SLC35D1: variants seen among roughly 807,000 people sequenced by gnomAD.
SLC35D1 encodes nucleotide sugar transporter SLC35D1.
A neutral mutation model predicts 46.7 loss-of-function variants in SLC35D1; 31 were observed. The observed-to-expected ratio is 0.66, with a 90% CI of 0.50 to 0.90. The LOEUF (loss-of-function observed/expected upper bound fraction) is 0.90. Among genes scored for constraint, SLC35D1 ranks in the 40% least tolerant of loss-of-function variants. SLC35D1 has a pLI of 0.00. For synonymous variants in SLC35D1, 195 were observed against 164.6 expected, an observed-to-expected ratio of 1.18 and a Z score of -1.41; for missense variants, 397 against 426.2, an observed-to-expected ratio of 0.93 and a Z score of 0.60.
At chr1:66,997,076 A>G (rs1667245867), downstream of SLC35D1, among the ~76,000 whole-genome samples, 1 of 152,204 alleles carries the variant, frequency 6.6e-6, no homozygotes, top group African/African-American at 2.4e-5. Context: ...TATGCCACCA[A>G]AAGCACAGGC....
the SLC35D1 span, among the ~76,000 whole-genome samples, chr1:66,977,309 T>C: frequency 6.6e-6 from 1 of 151,964 alleles, no homozygotes; most frequent in Non-Finnish European, 1.5e-5. Context: ...GGGGTTTCAC[T>C]GTGTTGACCA....
chr1:67,021,666 A>T, intron 8 of SLC35D1, 64 bp from the exon 9 acceptor site: 5 of 1,489,618 alleles, frequency 3.4e-6, no homozygotes, highest in East Asian at 2.6e-5. Context: ...TCCCGTTTTA[A>T]TGTAAATCCT....
chr1:67,053,733 G>C (rs1459966395), intron 1 of SLC35D1, 78 bp downstream of exon 1: 4 of 1,321,058 alleles, frequency 3.0e-6, no homozygotes, highest in Non-Finnish European at 3.9e-6. Flanking sequence ...GGCAGTCAAA[G>C]TCCAGGGAGC....
At chr1:66,998,098 C>T (rs1468741489), downstream of SLC35D1, among the ~76,000 whole-genome samples, 2 of 135,888 alleles carry the variant, frequency 1.5e-5, no homozygotes, top group African/African-American at 3.2e-5. Context: ...CTAAAATGGG[C>T]CAGCCATAAT....
chr1:67,033,832 T>G (rs1328751276), intron 8 of SLC35D1, among the ~76,000 whole-genome samples: 1 of 152,192 alleles, frequency 6.6e-6, no homozygotes, highest in African/African-American at 2.4e-5. Context: ...TTTAGATAAG[T>G]CTTTAATCCA....
At chr1:67,004,629 A>T (rs1484186864) in intron 11 of SLC35D1, among the ~76,000 whole-genome samples, 181 bp from the exon 12 acceptor site, 1 of 152,200 alleles carries the variant, frequency 6.6e-6, no homozygotes, top group East Asian at 1.9e-4. Flanking sequence ...ACAGGCATTG[A>T]CACATTAAAT....
chr1:67,014,872 C>T (rs1041105740), intron 10 of SLC35D1, among the ~76,000 whole-genome samples: 1 of 151,002 alleles, frequency 6.6e-6, no homozygotes, highest in African/African-American at 2.4e-5. Flanking sequence ...AACACCCAGG[C>T]CCTGTCCTCC....
At chr1:66,993,853 G>A in the SLC35D1 span, among the ~76,000 whole-genome samples, 1 of 152,156 alleles carries the variant, frequency 6.6e-6, no homozygotes, top group African/African-American at 2.4e-5. Context: ...TCTGTTTCTT[G>A]CTACACTTCA....
At chr1:66,997,519 A>ATATATAT (rs1553262616), downstream of SLC35D1, among the ~76,000 whole-genome samples, 2,365 of 73,860 alleles carry the variant, frequency 0.032, 49 homozygotes, top group African/African-American at 0.05. Flanking sequence ...AAAAAAAAAA[A>ATATATAT]ATATATATAT....
the SLC35D1 span, among the ~76,000 whole-genome samples, chr1:66,974,669 T>G: frequency 2.6e-5 from 4 of 152,018 alleles, no homozygotes; most frequent in Admixed American, 6.6e-5. Flanking sequence ...TCATAAATAT[T>G]TGGGACAGTG....
rs1344028885 is a variant in SLC35D1 at position 67,008,375 on chromosome 1, G to A, written c.959+710C>T. 4 of 1,272,976 alleles carry A rather than the reference G, an allele frequency of 3.1e-6. No homozygotes were observed. In the African/African-American group the frequency reaches 6.1e-5, roughly 19 times the overall value. The allele number at this position is 1,272,976 out of a possible 1,614,324, so 78.9% of individuals were successfully genotyped here. ...GGTGGTCTTGATCTCTTGACCTTGT[G>A]ATCTGCCCGCCTCAGCCTCCCAAAG... On this transcript the variant is annotated intron_variant, in intron 11 of 11. Coordinates refer to ENST00000235345, the MANE Select transcript of SLC35D1 (RefSeq NM_015139.3).
At chr1:67,033,357 G>A (rs944673530) in intron 8 of SLC35D1, among the ~76,000 whole-genome samples, 2 of 151,806 alleles carry the variant, frequency 1.3e-5, no homozygotes, top group African/African-American at 4.8e-5. Context: ...AGTGTATGAG[G>A]GTTCCCTTTT....
intron 10 of SLC35D1, among the ~76,000 whole-genome samples, chr1:67,009,436 C>T (rs1307030836): frequency 2.0e-5 from 3 of 152,176 alleles, no homozygotes; most frequent in Non-Finnish European, 4.4e-5. Context: ...AAAATATTCA[C>T]AAACTATGCA....
chr1:66,973,022 A>G, the SLC35D1 span: 2 of 1,258,154 alleles, frequency 1.6e-6, no homozygotes, highest in Admixed American at 1.7e-5. Context: ...TTTTGCAAAA[A>G]GAAATTTAGT....
At chr1:66,981,708 C>T in the SLC35D1 span, 1 of 1,243,732 alleles carries the variant, frequency 8.0e-7, no homozygotes, top group Non-Finnish European at 1.1e-6. Flanking sequence ...AGAAAGCCTT[C>T]TGAATTTAAC....
At chr1:66,994,411 G>A (rs1225206632), downstream of SLC35D1, among the ~76,000 whole-genome samples, 11 of 152,132 alleles carry the variant, frequency 7.2e-5, no homozygotes, top group Admixed American at 6.5e-4. Flanking sequence ...CTGGGAGGCC[G>A]AGGCGGGTGA....
intron 5 of SLC35D1, 137 bp downstream of exon 5, chr1:67,050,296 C>A: frequency 1.5e-6 from 1 of 666,520 alleles, no homozygotes. Flanking sequence ...ACTATCAATT[C>A]CAGCAGCCAA....
intron 10 of SLC35D1, among the ~76,000 whole-genome samples, chr1:67,010,801 A>G (rs79299843): frequency 0.011 from 1,617 of 152,260 alleles, 31 homozygotes; most frequent in African/African-American, 0.037. Context: ...TTTACCCCCA[A>G]ATATATTTCT....
intron 6 of SLC35D1, among the ~76,000 whole-genome samples, chr1:67,048,868 G>A (rs1645277572): frequency 6.6e-6 from 1 of 152,210 alleles, no homozygotes; most frequent in South Asian, 2.1e-4. Context: ...TATGGCATTT[G>A]TGACATATCT....
Sources: allele counts gnomAD v4.1 joint callset (sites outside exome capture counted in the v4.1 genomes callset), GRCh38; gene constraint gnomAD v4.1.1; transcripts MANE v1.5; gene names NCBI Gene and HGNC (gene_info 2026-07-23, HGNC 2026-07-21).